Variants in RNF14 observed in about 807,000 individuals in gnomAD.
RNF14 encodes ring finger protein 14, also known as E3 ubiquitin-protein ligase RNF14.
RNF14 carries 26 observed loss-of-function variants against 52.6 expected under a neutral mutation model. The observed-to-expected ratio is 0.49, with a 90% CI of 0.36 to 0.69. The LOEUF (loss-of-function observed/expected upper bound fraction) is 0.69. Ranked by LOEUF, RNF14 falls within the 30% of genes least tolerant of loss-of-function variation. The pLI, the probability that RNF14 is intolerant of heterozygous loss-of-function variation, is 0.00. For synonymous variants in RNF14, 194 were observed against 202.0 expected, an observed-to-expected ratio of 0.96 and a Z score of 0.34; for missense variants, 404 against 560.4, an observed-to-expected ratio of 0.72 and a Z score of 2.82.
upstream of RNF14, among the ~76,000 whole-genome samples, chr5:141,962,563 A>C (rs1753283138): frequency 6.6e-6 from 1 of 152,176 alleles, no homozygotes; most frequent in South Asian, 2.1e-4. Flanking sequence ...AATAGACGGG[A>C]GGAGGGAGAT....
chr5:141,956,201 C>G (rs759756677), upstream of RNF14: 1 of 1,614,228 alleles, frequency 6.2e-7, no homozygotes, highest in South Asian at 1.1e-5. Context: ...CTGACCCACA[C>G]AGAGACACTG....
intron 6 of RNF14, among the ~76,000 whole-genome samples, chr5:141,981,300 CT>C (rs1250353974): frequency 3.3e-5 from 5 of 152,210 alleles, no homozygotes; most frequent in African/African-American, 9.6e-5. Context: ...AAAATTTAGA[CT>C]TTTTTTCATT....
the RNF14 span, chr5:141,951,576 C>T: frequency 1.2e-6 from 2 of 1,614,088 alleles, no homozygotes; most frequent in Non-Finnish European, 8.5e-7. Flanking sequence ...GCAAGGACAG[C>T]AGCTGGGAGA....
intron 6 of RNF14, chr5:141,981,471 T>G (rs1472121162): frequency 1.3e-5 from 2 of 152,118 alleles, no homozygotes; most frequent in Non-Finnish European, 2.9e-5. Context: ...GCAAACCTGG[T>G]TATATCTTAT....
chr5:141,957,185 G>C, upstream of RNF14: 1 of 1,614,184 alleles, frequency 6.2e-7, no homozygotes. The surrounding 1 kb of genome is among the most constrained non-coding windows in gnomAD (Gnocchi z 4.3). Context: ...CCTGACTTGG[G>C]GGGGTTCCCA....
upstream of RNF14, among the ~76,000 whole-genome samples, chr5:141,964,039 C>A (rs1223695184): frequency 6.6e-6 from 1 of 152,302 alleles, no homozygotes; most frequent in African/African-American, 2.4e-5. Context: ...TAATAAAATG[C>A]CAGGTTGCGA....
chr5:141,965,092 A>G (rs947324525), upstream of RNF14, among the ~76,000 whole-genome samples: 1 of 152,146 alleles, frequency 6.6e-6, no homozygotes, highest in African/African-American at 2.4e-5. Flanking sequence ...GTTTTATCCA[A>G]AAGTTGGGCA....
chr5:141,957,592 C>T, upstream of RNF14: 3 of 1,614,234 alleles, frequency 1.9e-6, no homozygotes, highest in Middle Eastern at 1.6e-4. This position sits in a 1 kb window ranked among gnomAD's most constrained non-coding sequence, Gnocchi z 4.3. Context: ...CCTGCCTGTG[C>T]TGAGCAAGCC....
rs562042612 is a variant in RNF14 at position 141,987,631 on chromosome 5, T to G, written c.1368-102T>G. The stretch of plus-strand genomic sequence containing the variant: ...AATGATTAAAGGAGAAGAAAAGATG[T>G]ACAAAGATGTTATAAGAGTACAAAA... On this transcript the variant is annotated intron_variant, in intron 8 of 8. Transcript: ENST00000394520. The G allele has an allele frequency of 7.2e-6, 8 of 1,117,808 alleles. No homozygotes were observed. The South Asian group carries it at 7.6e-5, about 11-fold the overall frequency. The allele number at this position is 1,117,808 out of a possible 1,614,324, so 69.2% of individuals were successfully genotyped here.
At chr5:141,956,008 G>A, upstream of RNF14, 1 of 1,614,182 alleles carries the variant, frequency 6.2e-7, no homozygotes, top group East Asian at 2.2e-5. Context: ...CAAAAGGAAT[G>A]GCCGGGAGCT....
chr5:141,986,757 A>G (rs1755271076), intron 8 of RNF14, among the ~76,000 whole-genome samples: 1 of 152,376 alleles, frequency 6.6e-6, no homozygotes, highest in Admixed American at 6.5e-5. Context: ...AAGGATGGGA[A>G]GAGGAAGACA....
intron 4 of RNF14, 49 bp downstream of exon 4, chr5:141,975,004 A>C: frequency 6.4e-7 from 1 of 1,563,864 alleles, no homozygotes; most frequent in East Asian, 2.3e-5. Flanking sequence ...AAACTTAAAA[A>C]TCACCTTTAA....
At chr5:141,980,067 G>A in intron 5 of RNF14, 56 bp from the exon 6 acceptor site, 1 of 1,424,070 alleles carries the variant, frequency 7.0e-7, no homozygotes, top group South Asian at 1.2e-5. Flanking sequence ...AATCGCCTCA[G>A]GTTCAGAACT....
intron 1 of RNF14, among the ~76,000 whole-genome samples, chr5:141,959,609 T>C (rs35908768): frequency 0.074 from 11,315 of 152,284 alleles, 566 homozygotes; most frequent in Non-Finnish European, 0.1. Flanking sequence ...TCAGGGCTTA[T>C]TGGCATGGAG....
At chr5:141,985,333 A>G (rs1167445552) in intron 8 of RNF14, among the ~76,000 whole-genome samples, 1 of 152,232 alleles carries the variant, frequency 6.6e-6, no homozygotes, top group Non-Finnish European at 1.5e-5. Flanking sequence ...AAATGCTTCT[A>G]CATAATGACA....
At chr5:141,973,558 T>G (rs769463947) in intron 2 of RNF14, 25 bp from the exon 3 acceptor site, 27 of 1,596,366 alleles carry the variant, frequency 1.7e-5, no homozygotes, top group Non-Finnish European at 1.1e-5. Flanking sequence ...CATTTTCTGT[T>G]CTTAACTGAT....
At chr5:141,955,392 C>A (rs748934043), upstream of RNF14, 2 of 1,613,938 alleles carry the variant, frequency 1.2e-6, no homozygotes, top group Non-Finnish European at 1.7e-6. The surrounding 1 kb of genome is among the most constrained non-coding windows in gnomAD (Gnocchi z 5.5). Context: ...TGTACAGGGT[C>A]GGGGTGAGGT....
rs1352859944 is a variant in RNF14 at position 141,974,806 on chromosome 5, A to G, written c.157A>G (p.Asn53Asp). 6.2e-7 allele frequency: 1 copy of G among 1,613,844 alleles called. No homozygotes were observed. Among genetic ancestry groups the G allele is most frequent in the Non-Finnish European group, 8.5e-7 (1 of 1,179,830 alleles). The change falls in exon 4 of 9, where the codon AAT (asparagine) becomes GAT (aspartate). Residue 53 changes from asparagine (N) to aspartate (D), a missense_variant and splice_region_variant. Coordinates refer to ENST00000394520, the MANE Select transcript of RNF14 (RefSeq NM_004290.5). ...TCTAATCTTTGTTTTTGGTTCAGGC[A>G]ATTCAAATGAGTGTCTCCAGAATAG... Reference protein sequence around the residue: ...PQNFKIFVSGNSNECLQNSGF... With the variant: ...PQNFKIFVSGDSNECLQNSGF...
upstream of RNF14, among the ~76,000 whole-genome samples, chr5:141,962,729 A>G (rs1271020914): frequency 1.3e-5 from 2 of 152,188 alleles, no homozygotes; most frequent in African/African-American, 4.8e-5. Context: ...AAAGATTTGT[A>G]TGTTCTTTTC....
Sources: allele counts gnomAD v4.1 joint callset (sites outside exome capture counted in the v4.1 genomes callset), GRCh38; gene constraint gnomAD v4.1.1; non-coding constraint Gnocchi (gnomAD v3.1); transcripts MANE v1.5; gene names NCBI Gene and HGNC (gene_info 2026-07-23, HGNC 2026-07-21).